The following GPR139 variants were observed in gnomAD, a reference collection of about 807,000 sequenced individuals.
The protein encoded by GPR139 is G protein-coupled receptor 139.
Under a neutral mutation model 25.8 loss-of-function variants are expected in GPR139, and 12 were observed. That is an observed-to-expected ratio of 0.47 (90% confidence interval 0.30 to 0.75). GPR139 has a LOEUF of 0.75. GPR139 is among the 30% of genes least tolerant of loss of function. The probability of loss-of-function intolerance (pLI) is 0.07; values close to 1 mark genes in which losing one functional copy is unlikely to be tolerated. For missense variants in GPR139, 380 were observed against 450.2 expected, an observed-to-expected ratio of 0.84 and a Z score of 1.41; for synonymous variants, 184 against 179.9, an observed-to-expected ratio of 1.02 and a Z score of -0.18.
rs1202342898 is a variant in GPR139 at position 20,031,210 on chromosome 16, A to G, written c.*525T>C. ...TCTGAAGCTAGGAGTGCCAGAGCCA[A>G]TTCAAGACCACAACCCTCTCTAGGA... is the stretch of plus-strand genomic sequence containing the variant. On this transcript the variant is annotated 3_prime_UTR_variant, in exon 2 of 2. Transcript: ENST00000570682. 2.6e-5 allele frequency among the ~76,000 whole-genome samples: 4 copies of G among 152,062 alleles called. No homozygotes were observed. Among genetic ancestry groups the G allele is most frequent in the African/African-American group, 9.7e-5 (4 of 41,402 alleles).
intron 1 of GPR139, among the ~76,000 whole-genome samples, chr16:20,050,180 G>A (rs1382080370): frequency 1.3e-5 from 2 of 152,222 alleles, no homozygotes; most frequent in Non-Finnish European, 2.9e-5. Context: ...CTAATATAGA[G>A]GATCATGGAA....
chr16:20,071,089 C>T (rs954040698), intron 1 of GPR139: 11 of 650,008 alleles, frequency 1.7e-5, no homozygotes, highest in Admixed American at 6.3e-5. Context: ...TTCGCTAGTG[C>T]CATCATCTGC....
At position 20,031,475 on chromosome 16, in the gene GPR139, C is replaced by T; in HGVS notation, c.*260G>A. On this transcript the variant is annotated 3_prime_UTR_variant, in exon 2 of 2. Transcript: ENST00000570682. ...ACTGGTCACAGGATGATGACACAAG[C>T]TCCAATGGCATCTTCAAACTGGTAG... 2.0e-6 allele frequency: 1 copy of T among 490,962 alleles called. No homozygotes were observed. Among genetic ancestry groups the T allele is most frequent in the Non-Finnish European group, 3.7e-6 (1 of 272,200 alleles). 30.4% of individuals were successfully genotyped at this position (490,962 alleles called of 1,614,324 possible). A position where few individuals can be genotyped will look rare whatever the true frequency, so the allele number is the denominator to read the frequency against.
At chr16:20,041,419 C>G (rs1011028106) in intron 1 of GPR139, among the ~76,000 whole-genome samples, 2 of 151,544 alleles carry the variant, frequency 1.3e-5, no homozygotes, top group Non-Finnish European at 2.9e-5. Context: ...AGATCAATTT[C>G]TAAGACTCCT....
At chr16:20,058,987 T>C (rs2057401138) in intron 1 of GPR139, among the ~76,000 whole-genome samples, 1 of 152,128 alleles carries the variant, frequency 6.6e-6, no homozygotes, top group Admixed American at 6.5e-5. Context: ...TGCTCATTTC[T>C]CTGGGCTGTC....
Position 20,066,103 on chromosome 16 carries a change from G to A in GPR139, c.127+7387C>T, listed in dbSNP as rs867661510. Among the ~76,000 whole-genome samples, 3 of 152,282 alleles carry A rather than the reference G, an allele frequency of 2.0e-5. No homozygotes were observed. The Middle Eastern group carries it at 0.01, about 518-fold the overall frequency. ...AAGCATGATTCTTTGGGTAAGTGAA[G>A]CATTTCTTAAAAACTAGACTACTTT... On this transcript the variant is annotated intron_variant, in intron 1 of 1. Transcript: ENST00000570682.
rs759582424 is a variant in GPR139, at chr16:20,073,665, C to G, written c.-49G>C. 2.0e-6 allele frequency: 3 copies of G among 1,502,048 alleles called. No homozygotes were observed. The highest frequency in any genetic ancestry group is 2.7e-6 in the Non-Finnish European group (3 of 1,126,656). 93.0% of individuals were successfully genotyped at this position (1,502,048 alleles called of 1,614,324 possible). Reference sequence around the variant, plus strand: ...CCGCTTCGCGCCCGGCCTGCCAGCCCGACTCTGGTCGCCGGCTCGGTGGTG... The same window carrying G: ...CCGCTTCGCGCCCGGCCTGCCAGCCGGACTCTGGTCGCCGGCTCGGTGGTG... On this transcript the variant is annotated 5_prime_UTR_variant, in exon 1 of 2. Transcript: ENST00000570682. The surrounding 1 kb of genome is among the most constrained non-coding windows in gnomAD (Gnocchi z 4.7).
At chr16:20,041,134 AG>A (rs1356473578) in intron 1 of GPR139, among the ~76,000 whole-genome samples, 2 of 428 alleles carry the variant, frequency 4.7e-3, no homozygotes, top group Admixed American at 0.024. Context: ...AGGAAAGGAG[AG>A]GAGAGGAGAG....
intron 1 of GPR139, among the ~76,000 whole-genome samples, chr16:20,042,826 A>G (rs1240617460): frequency 1.3e-5 from 2 of 151,906 alleles, no homozygotes; most frequent in Non-Finnish European, 2.9e-5. Flanking sequence ...ATCTCCCTTT[A>G]TAAGGGATCA....
chr16:20,073,842 C>A lies in GPR139; in HGVS notation c.-226G>T, dbSNP rs530103621. 30 of 514,824 alleles carry A rather than the reference C, an allele frequency of 5.8e-5. No homozygotes were observed. The South Asian group carries it at 9.8e-4, about 17-fold the overall frequency. The allele number at this position is 514,824 out of a possible 1,614,324, so 31.9% of individuals were successfully genotyped here. A position where few individuals can be genotyped will look rare whatever the true frequency, so the allele number is the denominator to read the frequency against. Reference sequence around the variant, plus strand: ...CCCGCAGGGCGCGGGGCGCAGGGTGCGGGGCGCGCTGCGCGGGGCCTCGGG... The same window carrying A: ...CCCGCAGGGCGCGGGGCGCAGGGTGAGGGGCGCGCTGCGCGGGGCCTCGGG... On this transcript the variant is annotated 5_prime_UTR_variant, in exon 1 of 2. Transcript: ENST00000570682. This position sits in a 1 kb window ranked among gnomAD's most constrained non-coding sequence, Gnocchi z 4.7.
Position 20,032,661 on chromosome 16 carries a change from A to G in GPR139, c.136T>C (p.Leu46=), listed in dbSNP as rs1396097895. The G allele has an allele frequency of 1.2e-6, 2 of 1,602,650 alleles. No homozygotes were observed. The highest frequency in any genetic ancestry group is 4.5e-5 in the East Asian group (2 of 44,548). The part of the protein sequence containing the change: ...LLCLGLPANI[L]TVIILSQLVA... ...AGCTGGGAGAGGATGATCACTGTCA[A>G]GATATTTGCTGTGGAGAGAAGAAAA... Residue 46 remains leucine, a synonymous_variant, in exon 2 of 2, where the codon TTG becomes CTG. Transcript: ENST00000570682.
intron 1 of GPR139, among the ~76,000 whole-genome samples, chr16:20,058,915 G>A (rs1186079606): frequency 2.6e-5 from 4 of 152,288 alleles, no homozygotes; most frequent in East Asian, 1.9e-4. Context: ...TGCCGCGGGC[G>A]CTTCCCACAG....
chr16:20,052,572 C>T (rs550402734), intron 1 of GPR139, among the ~76,000 whole-genome samples: 6 of 152,110 alleles, frequency 3.9e-5, no homozygotes, highest in East Asian at 1.9e-4. Flanking sequence ...CCGAGGTGGG[C>T]GGATCACGAG....
intron 1 of GPR139, among the ~76,000 whole-genome samples, chr16:20,063,191 C>T (rs766597341): frequency 2.6e-5 from 4 of 152,188 alleles, no homozygotes; most frequent in African/African-American, 9.7e-5. Flanking sequence ...TATATAACCA[C>T]CCCAGATCAC....
intron 1 of GPR139, among the ~76,000 whole-genome samples, chr16:20,049,948 A>T (rs55689190): frequency 6.6e-6 from 1 of 152,292 alleles, no homozygotes; most frequent in Admixed American, 6.5e-5. Flanking sequence ...CATCAAGCCC[A>T]CTCAGGCCAG....
At chr16:20,034,937 G>A (rs1321935728) in intron 1 of GPR139, among the ~76,000 whole-genome samples, 2 of 151,994 alleles carry the variant, frequency 1.3e-5, no homozygotes, top group African/African-American at 2.4e-5. Context: ...ATAAACCAAA[G>A]TTAATATCTT....
intron 1 of GPR139, among the ~76,000 whole-genome samples, chr16:20,044,963 T>C (rs1054366777): frequency 3.9e-5 from 6 of 151,956 alleles, no homozygotes; most frequent in Non-Finnish European, 8.8e-5. Context: ...TGACTGTATT[T>C]GGCTCACTTG....
chr16:20,046,099 A>T (rs1567236934), intron 1 of GPR139, among the ~76,000 whole-genome samples: 1 of 152,170 alleles, frequency 6.6e-6, no homozygotes, highest in Non-Finnish European at 1.5e-5. Flanking sequence ...AATGGCTGCC[A>T]GGGGTAGGTA....
In GPR139 at chr16:20,039,042, A is replaced by G. The variant is rs567666143; in HGVS notation, c.128-6373T>C. 1.5e-4 allele frequency among the ~76,000 whole-genome samples: 23 copies of G among 152,292 alleles called. 1 individual carries two copies. In the East Asian group the frequency reaches 4.2e-3, roughly 28 times the overall value. On this transcript the variant is annotated intron_variant, in intron 1 of 1. Coordinates refer to ENST00000570682, the MANE Select transcript of GPR139 (RefSeq NM_001002911.4). The stretch of plus-strand genomic sequence containing the variant: ...CAAGCCCCGCCGAACTTCACCACCA[A>G]AATGTCAATGCTTCTGAAAAGCAAA...
Sources: gnomAD v4.1 joint callset for allele counts (sites outside exome capture counted in the v4.1 genomes callset) on GRCh38, gnomAD v4.1.1 for gene constraint, Gnocchi (gnomAD v3.1) non-coding constraint, MANE v1.5 for transcripts, NCBI Gene and HGNC (gene_info 2026-07-23, HGNC 2026-07-21) for gene names.